Variants in ATG7 observed in about 807,000 individuals in gnomAD.
The protein encoded by ATG7 is autophagy related 7, also known as ubiquitin-like modifier-activating enzyme ATG7.
A neutral mutation model predicts 82.4 loss-of-function variants in ATG7; 70 were observed. The observed-to-expected ratio is 0.85, with a 90% CI of 0.70 to 1.04. ATG7 has a LOEUF of 1.04. ATG7 is among the 50% of genes least tolerant of loss of function. The pLI is 0.00. For synonymous variants in ATG7, 287 were observed against 313.0 expected, an observed-to-expected ratio of 0.92 and a Z score of 0.88; for missense variants, 792 against 864.3, an observed-to-expected ratio of 0.92 and a Z score of 1.05.
intron 20 of ATG7, among the ~76,000 whole-genome samples, chr3:11,483,758 A>G (rs1171373668): frequency 6.6e-6 from 1 of 152,186 alleles, no homozygotes; most frequent in African/African-American, 2.4e-5. Context: ...ATCTGCTTTA[A>G]TGCAGTGGGT....
intron 20 of ATG7, among the ~76,000 whole-genome samples, chr3:11,533,539 T>TAAA (rs66794993): frequency 0.015 from 1,837 of 126,612 alleles, 52 homozygotes; most frequent in African/African-American, 0.048. Context: ...CCCCTTCTGT[T>TAAA]AAAAAAAAAA....
At chr3:11,495,533 T>C (rs1436856174) in intron 20 of ATG7, among the ~76,000 whole-genome samples, 2 of 152,196 alleles carry the variant, frequency 1.3e-5, no homozygotes, top group Non-Finnish European at 2.9e-5. Flanking sequence ...ACCAAGCCAC[T>C]GACTAGTTGT....
intron 4 of ATG7, 75 bp downstream of exon 4, chr3:11,298,930 T>G: frequency 6.6e-7 from 1 of 1,508,914 alleles, no homozygotes; most frequent in Non-Finnish European, 9.1e-7. Context: ...TCAGCTTTCC[T>G]TTAGAAAGAG....
the ATG7 span, chr3:11,565,084 G>A: frequency 9.3e-5 from 127 of 1,361,014 alleles, no homozygotes; most frequent in African/African-American, 1.3e-3. This position sits in a 1 kb window ranked among gnomAD's most constrained non-coding sequence, Gnocchi z 4.1. Context: ...GTGACTGTGC[G>A]CCAGGCACTC....
chr3:11,400,279 A>G (rs767576180), intron 19 of ATG7, among the ~76,000 whole-genome samples: 1 of 152,202 alleles, frequency 6.6e-6, no homozygotes, highest in Non-Finnish European at 1.5e-5. Context: ...CACCCACACC[A>G]TACTTAATTT....
intron 20 of ATG7, among the ~76,000 whole-genome samples, chr3:11,531,532 A>G (rs1299302839): frequency 6.6e-6 from 1 of 152,200 alleles, no homozygotes; most frequent in Non-Finnish European, 1.5e-5. Context: ...ATGGTCCGCA[A>G]GTCTGCATAT....
intron 20 of ATG7, among the ~76,000 whole-genome samples, chr3:11,474,103 A>G (rs2087852166): frequency 6.6e-6 from 1 of 152,070 alleles, no homozygotes. Flanking sequence ...GCCAAGTGCC[A>G]CCACCTGGCA....
intron 16 of ATG7, among the ~76,000 whole-genome samples, chr3:11,362,308 A>T (rs1559471410): frequency 6.6e-6 from 1 of 152,206 alleles, no homozygotes; most frequent in Non-Finnish European, 1.5e-5. Context: ...TCACACAGAG[A>T]GGTGATGCCC....
chr3:11,358,038 A>G (rs1272966637), intron 14 of ATG7, among the ~76,000 whole-genome samples: 2 of 151,952 alleles, frequency 1.3e-5, no homozygotes, highest in Non-Finnish European at 2.9e-5. Flanking sequence ...AGAAAAGAAA[A>G]AAAAAGAGGT....
rs531159937 is a variant in ATG7 at position 11,553,401 on chromosome 3, A to T, written c.2080-1410A>T. Among the ~76,000 whole-genome samples, 11 of 147,242 alleles carry T rather than the reference A, an allele frequency of 7.5e-5. No individual in the cohort carries two copies. In the East Asian group the frequency reaches 2.3e-3, roughly 30 times the overall value. ...TGTGTGTTCGTTGAATGGGAGAGTG[A>T]AAGAATGGATGGATTGTGCTGGCAA... On this transcript the variant is annotated intron_variant, in intron 20 of 20. Coordinates refer to ENST00000693202, the MANE Select transcript of ATG7 (RefSeq NM_001349232.2).
In ATG7 at chr3:11,332,984, C is replaced by A; in HGVS notation, c.780C>A (p.Phe260Leu). ...GGCATGACAACAGGAGTAGCAGTTT[C>A]CAGTCTGTTGAAGTTGTTTGCTTCC... ...VLAAHRWSSS[F>L]QSVEVVCFRD... Residue 260 changes from phenylalanine to leucine, a missense_variant, in exon 11 of 21, where the codon TTC becomes TTA. Transcript: ENST00000693202. 1 of 1,544,846 alleles carries A rather than the reference C, an allele frequency of 6.5e-7. No homozygotes were observed. The highest frequency in any genetic ancestry group is 8.7e-7 in the Non-Finnish European group (1 of 1,146,234).
chr3:11,416,178 G>A (rs565089054), intron 19 of ATG7, among the ~76,000 whole-genome samples: 10 of 152,296 alleles, frequency 6.6e-5, no homozygotes, highest in South Asian at 4.1e-4. Flanking sequence ...TTCTAGTAAT[G>A]TCTTTATCTG....
At chr3:11,511,637 T>C (rs1559779871) in intron 20 of ATG7, among the ~76,000 whole-genome samples, 1 of 152,062 alleles carries the variant, frequency 6.6e-6, no homozygotes, top group South Asian at 2.1e-4. Context: ...CTGGGCGCCG[T>C]GAGCAGGGGG....
chr3:11,290,483 C>G (rs776598223), intron 3 of ATG7: 3 of 293,360 alleles, frequency 1.0e-5, no homozygotes, highest in Non-Finnish European at 2.0e-5. Flanking sequence ...GTTTCTGCAG[C>G]CTCATGGCCT....
intron 1 of ATG7, among the ~76,000 whole-genome samples, chr3:11,277,597 G>C (rs1044472530): frequency 6.6e-6 from 1 of 152,144 alleles, no homozygotes; most frequent in Non-Finnish European, 1.5e-5. Flanking sequence ...AAGGGGAGGG[G>C]GTGTGCGAAC....
At chr3:11,558,413 T>A, downstream of ATG7, 1 of 1,329,750 alleles carries the variant, frequency 7.5e-7, no homozygotes, top group Non-Finnish European at 1.0e-6. Flanking sequence ...AGAACACAAA[T>A]CCCAACAACA....
intron 20 of ATG7, among the ~76,000 whole-genome samples, chr3:11,537,097 G>A (rs1316864250): frequency 1.3e-5 from 2 of 151,956 alleles, no homozygotes; most frequent in Non-Finnish European, 1.5e-5. Context: ...ACCCAGCCAC[G>A]TGCTCTGCTG....
chr3:11,554,856 G>T lies in ATG7; in HGVS notation c.*13G>T, dbSNP rs1430190148. ...TGAGACCATCTGAGATGGCCCCGCT[G>T]TGGGGCTGACTTCTCCCCGGCCGCC... On this transcript the variant is annotated 3_prime_UTR_variant, in exon 21 of 21. Coordinates refer to ENST00000693202, the MANE Select transcript of ATG7 (RefSeq NM_001349232.2). The T allele has an allele frequency of 1.2e-6, 2 of 1,612,190 alleles. No individual in the cohort carries two copies. The highest frequency in any genetic ancestry group is 2.7e-5 in the African/African-American group (2 of 74,908).
the ATG7 span, among the ~76,000 whole-genome samples, chr3:11,575,331 C>A: frequency 6.6e-6 from 1 of 152,232 alleles, no homozygotes; most frequent in African/African-American, 2.4e-5. Flanking sequence ...GGTTTCCAGT[C>A]ACTGTGCTCT....
Sources: allele counts gnomAD v4.1 joint callset (sites outside exome capture counted in the v4.1 genomes callset), GRCh38; gene constraint gnomAD v4.1.1; non-coding constraint Gnocchi (gnomAD v3.1); transcripts MANE v1.5; gene names NCBI Gene and HGNC (gene_info 2026-07-23, HGNC 2026-07-21).